The following MINAR1 variants were observed in gnomAD, a reference collection of about 807,000 sequenced individuals.
MINAR1 encodes membrane integral NOTCH2 associated receptor 1.
In MINAR1, 40 loss-of-function variants were observed where a neutral mutation model predicts 65.1. The ratio of observed to expected loss-of-function variants is 0.61; its 90% CI spans 0.48 to 0.80. MINAR1 has a LOEUF of 0.80. Ranked by LOEUF, MINAR1 falls within the 30% of genes least tolerant of loss-of-function variation. The probability of loss-of-function intolerance (pLI) is 0.00; values close to 1 mark genes in which losing one functional copy is unlikely to be tolerated. For synonymous variants in MINAR1, 482 were observed against 449.1 expected (o/e 1.07, Z -0.93); for missense variants, 1,128 against 1,148.0 (o/e 0.98, Z 0.25).
chr15:79,458,467 A>G (rs1299948081), intron 2 of MINAR1, 22 bp downstream of exon 2: 21 of 1,600,278 alleles, frequency 1.3e-5, no homozygotes, highest in Non-Finnish European at 1.7e-5. Context: ...TTAAGTTCAC[A>G]TAATCGGGCA....
the MINAR1 span, chr15:79,425,773 C>T: frequency 6.6e-6 from 1 of 152,564 alleles, no homozygotes. Context: ...CAGAGCCAGA[C>T]ACGAGAGAGC....
intron 1 of MINAR1, among the ~76,000 whole-genome samples, chr15:79,450,659 T>C (rs1369985213): frequency 1.3e-5 from 2 of 152,150 alleles, no homozygotes; most frequent in African/African-American, 4.8e-5. Context: ...GAGCATGTGG[T>C]TGAGGATGAA....
intron 1 of MINAR1, among the ~76,000 whole-genome samples, chr15:79,442,891 GTGTTTGTTTTT>G (rs1894911470): frequency 6.6e-6 from 1 of 152,056 alleles, no homozygotes; most frequent in South Asian, 2.1e-4. Flanking sequence ...TTTTGCTTCA[GTGTTTGTTTTT>G]TGTTTGTTTT....
the MINAR1 span, chr15:79,420,994 C>G: frequency 9.2e-5 from 14 of 152,338 alleles, no homozygotes; most frequent in Admixed American, 9.1e-4. Flanking sequence ...TCTCATCACT[C>G]AGTTTATCTT....
chr15:79,419,931 A>G, the MINAR1 span: 1 of 152,234 alleles, frequency 6.6e-6, no homozygotes, highest in African/African-American at 2.4e-5. Context: ...TGAGAAAAAA[A>G]AGCTTAATTG....
chr15:79,413,239 G>T, the MINAR1 span: 2 of 152,168 alleles, frequency 1.3e-5, no homozygotes, highest in South Asian at 2.1e-4. Flanking sequence ...AAACTTAAAA[G>T]ATTTTTAAAA....
At chr15:79,463,588 A>ATG in intron 3 of MINAR1, 1 of 643,314 alleles carries the variant, frequency 1.6e-6, no homozygotes, top group Non-Finnish European at 2.9e-6. Flanking sequence ...TGATTTGCTA[A>ATG]CAATGCATTT....
rs1336390914 is a variant in MINAR1, at chr15:79,472,009, C to T, written c.*3625C>T. ...ATGCAACAAACTTCCTTATTTATGC[C>T]TTATGAATAAAAGAGTGTGGAATGT... On this transcript the variant is annotated 3_prime_UTR_variant, in exon 4 of 4. Coordinates refer to ENST00000305428, the MANE Select transcript of MINAR1 (RefSeq NM_015206.3). The T allele has an allele frequency of 6.6e-6, 1 of 152,122 alleles. No homozygotes were observed. The allele number at this position is 152,122 out of a possible 1,614,324, so 9.4% of individuals were successfully genotyped here.
At chr15:79,435,887 G>C (rs1014868725) in intron 1 of MINAR1, among the ~76,000 whole-genome samples, 1 of 152,212 alleles carries the variant, frequency 6.6e-6, no homozygotes, top group Non-Finnish European at 1.5e-5. Context: ...TATTAATTTT[G>C]TTCTTAAAGA....
intron 1 of MINAR1, among the ~76,000 whole-genome samples, chr15:79,445,705 C>A (rs971889082): frequency 3.9e-5 from 6 of 152,106 alleles, no homozygotes; most frequent in Non-Finnish European, 7.4e-5. Flanking sequence ...TGTACCACCA[C>A]CCCTGGCTAA....
chr15:79,435,558 G>A (rs1894575672), intron 1 of MINAR1, among the ~76,000 whole-genome samples: 1 of 152,214 alleles, frequency 6.6e-6, no homozygotes, highest in African/African-American at 2.4e-5. Flanking sequence ...GTCAGCTCTG[G>A]GAGGACCATA....
chr15:79,436,394 G>A (rs551312919), intron 1 of MINAR1, among the ~76,000 whole-genome samples: 1 of 152,130 alleles, frequency 6.6e-6, no homozygotes, highest in African/African-American at 2.4e-5. Flanking sequence ...GAGCTTATTT[G>A]GTAATATACT....
At chr15:79,467,168 G>GT (rs1895894636) in intron 3 of MINAR1, among the ~76,000 whole-genome samples, 1 of 152,162 alleles carries the variant, frequency 6.6e-6, no homozygotes, top group South Asian at 2.1e-4. Flanking sequence ...GTACAACTGA[G>GT]TTTTTTAAAA....
At position 79,457,648 on chromosome 15, in the gene MINAR1, A is replaced by G; in HGVS notation, c.1501A>G (p.Arg501Gly). The G allele has an allele frequency of 6.2e-7, 1 of 1,614,208 alleles. No individual in the cohort carries two copies. The highest frequency in any genetic ancestry group is 8.5e-7 in the Non-Finnish European group (1 of 1,180,038). The stretch of plus-strand genomic sequence containing the variant: ...CTCTGGTCAGGGCAAGTACAGTGAC[A>G]GGCACACCATGAAGCACTCAGACGA... Reference protein sequence around the residue: ...CTSGQGKYSDRHTMKHSDDDS... With the variant: ...CTSGQGKYSDGHTMKHSDDDS... Residue 501 changes from arginine (R) to glycine (G), a missense_variant, in exon 2 of 4, where the codon AGG becomes GGG. Transcript: ENST00000305428.
At chr15:79,444,834 G>T (rs1361613806) in intron 1 of MINAR1, among the ~76,000 whole-genome samples, 1 of 151,722 alleles carries the variant, frequency 6.6e-6, no homozygotes, top group Non-Finnish European at 1.5e-5. Context: ...ATAATATGTG[G>T]CCAGCATTAC....
intron 3 of MINAR1, among the ~76,000 whole-genome samples, chr15:79,464,546 C>T (rs1488780687): frequency 2.6e-5 from 4 of 152,238 alleles, no homozygotes; most frequent in South Asian, 2.1e-4. Context: ...CAATAAGTCT[C>T]ATGGTCTTTC....
chr15:79,415,942 A>T, the MINAR1 span: 2 of 152,150 alleles, frequency 1.3e-5, no homozygotes, highest in African/African-American at 4.8e-5. Context: ...TTATAGAAAA[A>T]ATCATCAACT....
chr15:79,471,711 G>GT lies in MINAR1; in HGVS notation c.*3329dup, dbSNP rs747427617. The GT allele has an allele frequency of 0.031, 4,456 of 145,488 alleles. 76 individuals carry two copies. The highest frequency in any genetic ancestry group is 0.047 in the African/African-American group (1,840 of 39,040). The allele number at this position is 145,488 out of a possible 1,614,324, so 9.0% of individuals were successfully genotyped here. A position where few individuals can be genotyped will look rare whatever the true frequency, so the allele number is the denominator to read the frequency against. ...GAGCAGTGGCATCACATTTGTTGTT[G>GT]TTGTTTTTTTTTTTGAAATAGAAAA... is the stretch of plus-strand genomic sequence containing the variant. On this transcript the variant is annotated 3_prime_UTR_variant, in exon 4 of 4. Coordinates refer to ENST00000305428, the MANE Select transcript of MINAR1 (RefSeq NM_015206.3).
Position 79,456,757 on chromosome 15 carries a change from A to C in MINAR1, c.610A>C (p.Thr204Pro). 6.2e-7 allele frequency: 1 copy of C among 1,614,174 alleles called. No individual in the cohort carries two copies. The highest frequency in any genetic ancestry group is 8.5e-7 in the Non-Finnish European group (1 of 1,180,036). ...RLQALAPYSV[T>P]SPQPCEMQRT... ...GCAGGCCCTGGCTCCGTACTCTGTG[A>C]CCAGCCCTCAGCCCTGTGAGATGCA... Residue 204 changes from threonine (T) to proline (P), a missense_variant, in exon 2 of 4, where the codon ACC (threonine) becomes CCC (proline). By Grantham distance (38) the Thr-to-Pro change is conservative. Coordinates refer to ENST00000305428, the MANE Select transcript of MINAR1 (RefSeq NM_015206.3).
Sources: gnomAD v4.1 joint callset for allele counts (sites outside exome capture counted in the v4.1 genomes callset) on GRCh38, gnomAD v4.1.1 for gene constraint, MANE v1.5 for transcripts, NCBI Gene and HGNC (gene_info 2026-07-23, HGNC 2026-07-21) for gene names.